Variants in LENG8 observed in about 807,000 individuals in gnomAD.
LENG8 encodes the protein leukocyte receptor cluster (LRC) member 8.
Under a neutral mutation model 102.1 loss-of-function variants are expected in LENG8, and 28 were observed. The observed-to-expected ratio is 0.27, with a 90% confidence interval of 0.20 to 0.38. The LOEUF (loss-of-function observed/expected upper bound fraction) is 0.38. Ranked by LOEUF, LENG8 falls within the 10% of genes least tolerant of loss-of-function variation. LENG8 has a pLI of 1.00. For missense variants in LENG8, 1,022 were observed against 1,113.9 expected (o/e 0.92, Z 1.17); for synonymous variants, 531 against 456.7 (o/e 1.16, Z -2.07).
intron 5 of LENG8, among the ~76,000 whole-genome samples, chr19:54,453,956 G>C (rs1210575400): frequency 6.6e-6 from 1 of 152,144 alleles, no homozygotes; most frequent in Non-Finnish European, 1.5e-5. Flanking sequence ...AGGAATGGCC[G>C]GGCTAGTGCA....
chr19:54,460,589 C>G, intron 15 of LENG8, 177 bp from the exon 16 acceptor site: 1 of 1,413,944 alleles, frequency 7.1e-7, no homozygotes, highest in Non-Finnish European at 9.2e-7. Flanking sequence ...TCACTAACCC[C>G]CCCCGGGCCC....
At chr19:54,454,859 G>T in intron 6 of LENG8, 92 bp from the exon 7 acceptor site, 1 of 1,534,750 alleles carries the variant, frequency 6.5e-7, no homozygotes, top group Non-Finnish European at 8.9e-7. Flanking sequence ...GAACCTGAGC[G>T]CTCCTCCCTG....
In LENG8 at chr19:54,459,442, GGGGGCCTT is replaced by G. The variant is rs1569306970; in HGVS notation, c.2240+923_2240+930del. 1.0e-5 allele frequency: 10 copies of G among 988,262 alleles called. No homozygotes were observed. The African/African-American group carries it at 1.4e-4, about 14-fold the overall frequency. 61.2% of individuals were successfully genotyped at this position (988,262 alleles called of 1,614,324 possible). A position where few individuals can be genotyped will look rare whatever the true frequency, so the allele number is the denominator to read the frequency against. ...CCACGTGAGGTCATGGTCACAGCAT[GGGGGCCTT>G]GAGTGCCTGGCCAGGTGGCCCTCCA... On this transcript the variant is annotated intron_variant, in intron 15 of 15. Coordinates refer to ENST00000326764, the MANE Select transcript of LENG8 (RefSeq NM_052925.4).
intron 5 of LENG8, among the ~76,000 whole-genome samples, chr19:54,454,122 G>A (rs1049253844): frequency 1.3e-5 from 2 of 152,052 alleles, no homozygotes; most frequent in Non-Finnish European, 2.9e-5. Flanking sequence ...AGATGGTAGC[G>A]CTGGAGTGGG....
rs763451026 is a variant in LENG8 at position 54,458,096 on chromosome 19, C to T, written c.1903-7C>T. On this transcript the variant is annotated splice_polypyrimidine_tract_variant and splice_region_variant and intron_variant, in intron 13 of 15. Transcript: ENST00000326764. ...TGCTCTCCTCCCTCGGTGCCTCTGC[C>T]TTCCAGGGTGACCATGAAGAGTTTA... 8.7e-6 allele frequency: 14 copies of T among 1,612,722 alleles called. No individual in the cohort carries two copies. Among genetic ancestry groups the T allele is most frequent in the Admixed American group, 1.7e-5 (1 of 60,012 alleles).
In LENG8 at chr19:54,456,010, TG is replaced by T; in HGVS notation, c.1072del (p.Glu358ArgfsTer51). 2 of 1,612,872 alleles carry T rather than the reference TG, an allele frequency of 1.2e-6. No homozygotes were observed. The highest frequency in any genetic ancestry group is 1.7e-6 in the Non-Finnish European group (2 of 1,179,716). ...GGCTGAGAGCCCTAAGAAGAAGCGG[TG>T]GGAGGCCGCTAGCAGCCTTCACCCT... is the stretch of plus-strand genomic sequence containing the variant. ...PVAESPKKKR[W>X]EAASSLHPPR... On this transcript the variant is annotated frameshift_variant, in exon 9 of 16. Coordinates refer to ENST00000326764, the MANE Select transcript of LENG8 (RefSeq NM_052925.4). LOFTEE classifies it high-confidence loss of function.
chr19:54,456,783 G>C lies in LENG8; in HGVS notation c.1593G>C (p.Leu531=). 6.2e-7 allele frequency: 1 copy of C among 1,611,616 alleles called. No homozygotes were observed. Among genetic ancestry groups the C allele is most frequent in the South Asian group, 1.1e-5 (1 of 90,858 alleles). ...GCCTGCGCCTCGAGCCCCTGGTGCTGCAGATGAGCAGCCTGGAGAGCAGTG... is the reference window on the plus strand; with the variant it reads ...GCCTGCGCCTCGAGCCCCTGGTGCTCCAGATGAGCAGCCTGGAGAGCAGTG... ...SRRLRLEPLV[L]QMSSLESSGA... Residue 531 remains leucine, a synonymous_variant, in exon 11 of 16, where the codon CTG becomes CTC. Transcript: ENST00000326764.
chr19:54,460,461 A>G, intron 15 of LENG8: 2 of 1,300,656 alleles, frequency 1.5e-6, no homozygotes, highest in South Asian at 1.6e-5. Flanking sequence ...TGCTCCCTCC[A>G]TCTGGTCCCT....
Position 54,456,185 on chromosome 19 carries a change from C to G in LENG8, c.1244C>G (p.Ser415Cys). 6.2e-7 allele frequency: 1 copy of G among 1,611,468 alleles called. No individual in the cohort carries two copies. Residue 415 changes from serine (S) to cysteine (C), a missense_variant, in exon 9 of 16, where the codon TCC becomes TGC. Ser to Cys is a moderately radical substitution (Grantham distance 112, BLOSUM62 -1). Coordinates refer to ENST00000326764, the MANE Select transcript of LENG8 (RefSeq NM_052925.4). ...NVFMKDNSSS[S>C]STDSRSRSSS... is the part of the protein sequence containing the mutation. ...TTCATGAAGGACAACAGCTCTTCTT[C>G]CAGCACAGACTCCCGCTCCCGCTCC...
intron 5 of LENG8, among the ~76,000 whole-genome samples, chr19:54,454,106 G>C (rs2084094596): frequency 6.6e-6 from 1 of 152,068 alleles, no homozygotes; most frequent in Non-Finnish European, 1.5e-5. Context: ...TGGGTGTCTT[G>C]TGCTCAGATG....
At chr19:54,453,285 C>G (rs1444105987) in intron 4 of LENG8, among the ~76,000 whole-genome samples, 1 of 152,198 alleles carries the variant, frequency 6.6e-6, no homozygotes, top group Non-Finnish European at 1.5e-5. Context: ...ATGGGTTTTC[C>G]TTTTGTTCTG....
Position 54,454,489 on chromosome 19 carries a change from G to A in LENG8, c.486G>A (p.Pro162=), listed in dbSNP as rs765172567. The A allele has an allele frequency of 8.7e-6, 14 of 1,613,656 alleles. No homozygotes were observed. Among genetic ancestry groups the A allele is most frequent in the African/African-American group, 6.7e-5 (5 of 74,906 alleles). The change falls in exon 6 of 16, where the codon CCG becomes CCA. Residue 162 remains proline (P), a synonymous_variant. Coordinates refer to ENST00000326764, the MANE Select transcript of LENG8 (RefSeq NM_052925.4). ...ACCAGGCTCCCCCTCAGCAGCTGCCGTCGGCTCAGCCCCCTCAGCCCTCAA... is the reference window on the plus strand; with the variant it reads ...ACCAGGCTCCCCCTCAGCAGCTGCCATCGGCTCAGCCCCCTCAGCCCTCAA... ...MSYQAPPQQL[P]SAQPPQPSNP...
In LENG8 at chr19:54,456,153, C is replaced by T. The variant is rs1386623890; in HGVS notation, c.1212C>T (p.Arg404=). The T allele has an allele frequency of 6.2e-7, 1 of 1,611,182 alleles. No individual in the cohort carries two copies. Among genetic ancestry groups the T allele is most frequent in the East Asian group, 2.2e-5 (1 of 44,822 alleles). ...ACAGCTTCACCAAGTTTGGCAACCG[C>T]AACGTCTTCATGAAGGACAACAGCT... The part of the protein sequence containing the change: ...RGNSFTKFGN[R]NVFMKDNSSS... The change falls in exon 9 of 16, where the codon CGC becomes CGT. Residue 404 remains arginine, a synonymous_variant. Coordinates refer to ENST00000326764, the MANE Select transcript of LENG8 (RefSeq NM_052925.4).
chr19:54,455,998 A>G lies in LENG8; in HGVS notation c.1057A>G (p.Lys353Glu). ...CCGGGAGCCTGTGGCTGAGAGCCCT[A>G]AGAAGAAGCGGTGGGAGGCCGCTAG... ...LTREPVAESP[K>E]KKRWEAASSL... The change falls in exon 9 of 16, where the codon AAG becomes GAG. Residue 353 changes from lysine (K) to glutamate (E), a missense_variant. Physicochemically the swap from Lys to Glu is moderately conservative, Grantham distance 56. This residue lies in a region of LENG8 where 326 missense variants were observed against 324.5 expected (regional missense o/e 1.00). Coordinates refer to ENST00000326764, the MANE Select transcript of LENG8 (RefSeq NM_052925.4). 3 of 1,613,026 alleles carry G rather than the reference A, an allele frequency of 1.9e-6. No homozygotes were observed. The highest frequency in any genetic ancestry group is 2.5e-6 in the Non-Finnish European group (3 of 1,179,760).
At chr19:54,460,434 C>T (rs2084471963) in intron 15 of LENG8, 12 of 1,271,730 alleles carry the variant, frequency 9.4e-6, no homozygotes, top group Non-Finnish European at 1.1e-5. Context: ...CCGCCATCCC[C>T]ATCCCCTGCC....
intron 2 of LENG8, 30 bp from the exon 3 acceptor site, chr19:54,452,063 G>C (rs763813891): frequency 1.3e-6 from 2 of 1,591,562 alleles, no homozygotes. Flanking sequence ...GGGGAGAACA[G>C]GTGTGACTTG....
chr19:54,456,748 C>G lies in LENG8; in HGVS notation c.1558C>G (p.His520Asp). ...GCGGGCAGCCCGCTTCCAGCACGGA[C>G]ACTCCCGCCGCCTGCGCCTCGAGCC... Reference protein sequence around the residue: ...QKRAARFQHGHSRRLRLEPLV... With the variant: ...QKRAARFQHGDSRRLRLEPLV... The change falls in exon 11 of 16, where the codon CAC becomes GAC. Residue 520 changes from histidine (H) to aspartate (D), a missense_variant. Around this residue, in one of 7 missense-constraint regions of LENG8, gnomAD observed 326 missense variants for 324.5 expected, o/e 1.00. Coordinates refer to ENST00000326764, the MANE Select transcript of LENG8 (RefSeq NM_052925.4). 6.2e-7 allele frequency: 1 copy of G among 1,611,582 alleles called. No homozygotes were observed. Among genetic ancestry groups the G allele is most frequent in the South Asian group, 1.1e-5 (1 of 90,918 alleles).
At position 54,454,289 on chromosome 19, in the gene LENG8, CGAAT is replaced by C. The variant is rs1289824707; in HGVS notation, c.427-137_427-134del. 9 of 767,456 alleles carry C rather than the reference CGAAT, an allele frequency of 1.2e-5. 1 individual carries two copies. Among genetic ancestry groups the C allele is most frequent in the Admixed American group, 2.6e-5 (1 of 38,280 alleles). The allele number at this position is 767,456 out of a possible 1,614,324, so 47.5% of individuals were successfully genotyped here. A position where few individuals can be genotyped will look rare whatever the true frequency, so the allele number is the denominator to read the frequency against. On this transcript the variant is annotated intron_variant, in intron 5 of 15. Coordinates refer to ENST00000326764, the MANE Select transcript of LENG8 (RefSeq NM_052925.4). ...TAACCTCACAGAGTTACTGAGGACTCGAATGAACTCACATTTGGGAAGGTCACGG... is the reference window on the plus strand; with the variant it reads ...TAACCTCACAGAGTTACTGAGGACTCGAACTCACATTTGGGAAGGTCACGG...
chr19:54,461,452 T>C lies in LENG8; in HGVS notation c.*524T>C, dbSNP rs908490490. The C allele has an allele frequency of 1.1e-5, 5 of 461,292 alleles. No homozygotes were observed. Among genetic ancestry groups the C allele is most frequent in the Non-Finnish European group, 2.2e-5 (5 of 226,796 alleles). The allele number at this position is 461,292 out of a possible 1,614,324, so 28.6% of individuals were successfully genotyped here. ...CCGTGTTTGGGGTGGGGGAGCTGCT[T>C]AGAGACTGTGCCCGTCCTCGGCCCC... On this transcript the variant is annotated 3_prime_UTR_variant, in exon 16 of 16. Transcript: ENST00000326764.
Sources: gnomAD v4.1 joint callset for allele counts (sites outside exome capture counted in the v4.1 genomes callset) on GRCh38, gnomAD v4.1.1 for gene constraint, gnomAD v4.1.1 regional missense constraint, MANE v1.5 for transcripts, NCBI Gene and HGNC (gene_info 2026-07-23, HGNC 2026-07-21) for gene names.